The following ADAMTS9 variants were observed in gnomAD, a reference collection of about 807,000 sequenced individuals.
ADAMTS9 encodes the protein A disintegrin and metalloproteinase with thrombospondin motifs 9.
Under a neutral mutation model 257.1 loss-of-function variants are expected in ADAMTS9, and 107 were observed. The observed-to-expected ratio is 0.42, with a 90% CI of 0.36 to 0.49. ADAMTS9 has a LOEUF of 0.49. Ranked by LOEUF, ADAMTS9 falls within the 20% of genes least tolerant of loss-of-function variation. The pLI, the probability that ADAMTS9 is intolerant of heterozygous loss-of-function variation, is 0.03. For synonymous variants in ADAMTS9, 982 were observed against 880.9 expected, an observed-to-expected ratio of 1.11 and a Z score of -2.03; for missense variants, 2,353 against 2,469.1, an observed-to-expected ratio of 0.95 and a Z score of 1.00.
intron 39 of ADAMTS9, among the ~76,000 whole-genome samples, chr3:64,517,660 C>T (rs2082796972): frequency 6.6e-6 from 1 of 151,756 alleles, no homozygotes; most frequent in Non-Finnish European, 1.5e-5. Flanking sequence ...AATCCCCCCA[C>T]CTGAGATAAC....
intron 29 of ADAMTS9, among the ~76,000 whole-genome samples, chr3:64,567,240 C>T (rs1410417227): frequency 6.6e-6 from 1 of 152,108 alleles, no homozygotes; most frequent in Non-Finnish European, 1.5e-5. Flanking sequence ...ACCAAAGCTG[C>T]TTTGGGGCCT....
At chr3:64,613,620 C>G in intron 21 of ADAMTS9, 111 bp from the exon 22 acceptor site, 3 of 1,042,816 alleles carry the variant, frequency 2.9e-6, no homozygotes, top group Non-Finnish European at 4.0e-6. Flanking sequence ...ACAGCAATCA[C>G]TCTCCCATAG....
chr3:64,644,306 A>G (rs1700732116), intron 11 of ADAMTS9, among the ~76,000 whole-genome samples: 1 of 152,238 alleles, frequency 6.6e-6, no homozygotes, highest in Admixed American at 6.5e-5. Flanking sequence ...AACATCACAA[A>G]GAGGCAGGAA....
At chr3:64,682,281 A>G (rs976523820) in intron 2 of ADAMTS9, among the ~76,000 whole-genome samples, 2 of 152,140 alleles carry the variant, frequency 1.3e-5, no homozygotes, top group Admixed American at 6.6e-5. Context: ...AGATAATGAT[A>G]ATTAAGTGCT....
At chr3:64,558,909 G>T (rs1576015903) in intron 30 of ADAMTS9, among the ~76,000 whole-genome samples, 3 of 152,274 alleles carry the variant, frequency 2.0e-5, no homozygotes, top group South Asian at 2.1e-4. Context: ...GACGTCACTA[G>T]GTGTGGGAGA....
chr3:64,645,832 G>C (rs1700772452), intron 11 of ADAMTS9, among the ~76,000 whole-genome samples: 1 of 152,174 alleles, frequency 6.6e-6, no homozygotes, highest in South Asian at 2.1e-4. Flanking sequence ...TGTTTAGCAG[G>C]AGCAGGGTCT....
At position 64,607,019 on chromosome 3, in the gene ADAMTS9, A is replaced by G. The variant is rs772397641; in HGVS notation, c.3415T>C (p.Tyr1139His). The G allele has an allele frequency of 6.2e-7, 1 of 1,613,956 alleles. No homozygotes were observed. The highest frequency in any genetic ancestry group is 8.5e-7 in the Non-Finnish European group (1 of 1,179,854). Residue 1139 changes from tyrosine (Y) to histidine (H), a missense_variant, in exon 23 of 40, where the codon TAT becomes CAT. By Grantham distance (83) the Tyr-to-His change is moderately conservative. Coordinates refer to ENST00000498707, the MANE Select transcript of ADAMTS9 (RefSeq NM_182920.2). ...LRAVKCIIGTYMSVVDDNDCN... is the reference protein window; with the variant it reads ...LRAVKCIIGTHMSVVDDNDCN... ...TCATTGTCATCTACCACTGACATAT[A>G]AGTCCCAATGATGCATTTCACTGCT... is the stretch of plus-strand genomic sequence containing the variant.
At chr3:64,633,390 A>G (rs1700415976) in intron 14 of ADAMTS9, 82 bp downstream of exon 14, 1 of 1,568,856 alleles carries the variant, frequency 6.4e-7, no homozygotes, top group African/African-American at 1.3e-5. Flanking sequence ...AGATACTAGC[A>G]GTTGCTATTC....
intron 28 of ADAMTS9, among the ~76,000 whole-genome samples, chr3:64,576,530 A>G (rs999105686): frequency 1.3e-5 from 2 of 152,206 alleles, no homozygotes; most frequent in African/African-American, 4.8e-5. Flanking sequence ...CTTTACCAGG[A>G]AACAAGGGCT....
At chr3:64,565,899 A>G (rs540019920) in intron 29 of ADAMTS9, 1 of 152,366 alleles carries the variant, frequency 6.6e-6, no homozygotes, top group South Asian at 2.1e-4. Context: ...TCAAGATTTC[A>G]GAAGACACAG....
rs1252146059 is a variant in ADAMTS9 at position 64,561,663 on chromosome 3, T to A, written c.4613A>T (p.Asn1538Ile). The change falls in exon 30 of 40, where the codon AAC (asparagine) becomes ATC (isoleucine). Residue 1538 changes from asparagine (N) to isoleucine (I), a missense_variant. Transcript: ENST00000498707. The part of the protein sequence containing the change: ...THKIARETEC[N>I]PYTRPESERD... ...TTCCGACTCCGGTCTGGTGTATGGGTTGCACTCGGTCTCTCTGGCTATTTT... is the reference window on the plus strand; with the variant it reads ...TTCCGACTCCGGTCTGGTGTATGGGATGCACTCGGTCTCTCTGGCTATTTT... 6.2e-7 allele frequency: 1 copy of A among 1,614,030 alleles called. No homozygotes were observed. The highest frequency in any genetic ancestry group is 1.3e-5 in the African/African-American group (1 of 74,996).
At chr3:64,575,518 A>G (rs2083817952) in intron 28 of ADAMTS9, among the ~76,000 whole-genome samples, 1 of 152,192 alleles carries the variant, frequency 6.6e-6, no homozygotes, top group African/African-American at 2.4e-5. Context: ...CCAAAGCACC[A>G]GCAAAGAGCA....
intron 30 of ADAMTS9, among the ~76,000 whole-genome samples, chr3:64,559,272 A>G (rs367897996): frequency 6.6e-6 from 1 of 152,092 alleles, no homozygotes. Context: ...CCTTGCATGT[A>G]TGGGAAACAT....
intron 26 of ADAMTS9, among the ~76,000 whole-genome samples, 192 bp from the exon 27 acceptor site, chr3:64,597,183 C>T (rs764339779): frequency 6.6e-6 from 1 of 152,180 alleles, no homozygotes; most frequent in Non-Finnish European, 1.5e-5. Flanking sequence ...CCTATAGACA[C>T]ACCTGGAGGG....
intron 28 of ADAMTS9, among the ~76,000 whole-genome samples, chr3:64,584,934 T>TA (rs1257092571): frequency 4.6e-5 from 7 of 152,196 alleles, no homozygotes; most frequent in African/African-American, 1.7e-4. Flanking sequence ...ACAACAGCAC[T>TA]AAATAATCCT....
intron 23 of ADAMTS9, among the ~76,000 whole-genome samples, chr3:64,605,150 C>T (rs1451839778): frequency 6.6e-6 from 1 of 152,092 alleles, no homozygotes; most frequent in African/African-American, 2.4e-5. Context: ...TTGCCTATTC[C>T]TCTGTTTTTG....
intron 3 of ADAMTS9, among the ~76,000 whole-genome samples, chr3:64,677,233 T>C (rs949813277): frequency 7.9e-5 from 12 of 151,924 alleles, no homozygotes; most frequent in Non-Finnish European, 1.5e-4. Context: ...GGGCATGCCA[T>C]AGGGAGAGAA....
chr3:64,583,287 G>T (rs1000257439), intron 28 of ADAMTS9: 1 of 152,176 alleles, frequency 6.6e-6, no homozygotes, highest in African/African-American at 2.4e-5. Flanking sequence ...ACAGTCTGGT[G>T]AGACAAGTTT....
At chr3:64,593,429 C>G (rs2084298194) in intron 28 of ADAMTS9, among the ~76,000 whole-genome samples, 1 of 152,138 alleles carries the variant, frequency 6.6e-6, no homozygotes, top group Admixed American at 6.5e-5. Flanking sequence ...TTTACAGGAC[C>G]ATTTTTCCTC....
Sources: allele counts gnomAD v4.1 joint callset (sites outside exome capture counted in the v4.1 genomes callset), GRCh38; gene constraint gnomAD v4.1.1; transcripts MANE v1.5; gene names NCBI Gene and HGNC (gene_info 2026-07-23, HGNC 2026-07-21).